RREB1: variants seen among roughly 807,000 people sequenced by gnomAD.
The protein encoded by RREB1 is ras-responsive element-binding protein 1.
A neutral mutation model predicts 117.8 loss-of-function variants in RREB1; 27 were observed. The observed-to-expected ratio is 0.23, with a 90% CI of 0.17 to 0.32. RREB1 has a LOEUF of 0.32. Among genes scored for constraint, RREB1 ranks in the 10% least tolerant of loss-of-function variants. The pLI, the probability that RREB1 is intolerant of heterozygous loss-of-function variation, is 1.00. For synonymous variants in RREB1, 1,298 were observed against 1,026.7 expected (o/e 1.26, Z -5.05); for missense variants, 2,577 against 2,378.2 (o/e 1.08, Z -1.74).
At chr6:7,122,335 G>T (rs925671813) in intron 1 of RREB1, among the ~76,000 whole-genome samples, 1 of 152,108 alleles carries the variant, frequency 6.6e-6, no homozygotes, top group Admixed American at 6.6e-5. Flanking sequence ...TTGTGATCAC[G>T]GCTCACTGCA....
intron 1 of RREB1, among the ~76,000 whole-genome samples, chr6:7,123,103 G>A (rs181829899): frequency 2.0e-4 from 31 of 152,196 alleles, no homozygotes; most frequent in Non-Finnish European, 3.7e-4. Context: ...TCTTACATAC[G>A]GCTGTTTTCT....
At chr6:7,156,493 T>C (rs1037414749) in intron 1 of RREB1, among the ~76,000 whole-genome samples, 1 of 152,232 alleles carries the variant, frequency 6.6e-6, no homozygotes, top group African/African-American at 2.4e-5. Context: ...AGCCAGTCCC[T>C]TGTGGCTCTC....
chr6:7,239,694 A>G (rs1237639509), intron 10 of RREB1, among the ~76,000 whole-genome samples: 2 of 152,254 alleles, frequency 1.3e-5, no homozygotes, highest in Admixed American at 6.5e-5. Context: ...GGAGCACATG[A>G]TCAAATGCAG....
chr6:7,159,392 A>G (rs895572151), intron 1 of RREB1, among the ~76,000 whole-genome samples: 1 of 152,184 alleles, frequency 6.6e-6, no homozygotes, highest in East Asian at 1.9e-4. Flanking sequence ...TCGAATCCCA[A>G]CATCATTCCT....
At chr6:7,245,373 C>T (rs927761325) in intron 11 of RREB1, among the ~76,000 whole-genome samples, 9 of 152,066 alleles carry the variant, frequency 5.9e-5, no homozygotes, top group Non-Finnish European at 7.4e-5. Flanking sequence ...CCAGCCTGGG[C>T]GACAAGGCGA....
chr6:7,141,053 A>G (rs1762547348), intron 1 of RREB1, among the ~76,000 whole-genome samples: 1 of 152,170 alleles, frequency 6.6e-6, no homozygotes, highest in African/African-American at 2.4e-5. Flanking sequence ...CAGGGCCTCG[A>G]GGGTCTGTCT....
rs4053178 is a variant in RREB1 at position 7,249,062 on chromosome 6, T to TGAGAGAGAGAGAGA, written c.*123_*136dup. On this transcript the variant is annotated 3_prime_UTR_variant, in exon 13 of 13. Transcript: ENST00000379938. The stretch of plus-strand genomic sequence containing the variant: ...TCAGTGCCCTTTGGCTGTTGAGGAG[T>TGAGAGAGAGAGAGA]GAGAGAGAGAGAGAGAGAGAGAGAG... 3.3e-4 allele frequency: 189 copies of TGAGAGAGAGAGAGA among 568,212 alleles called. No individual in the cohort carries two copies. The highest frequency in any genetic ancestry group is 7.3e-4 in the East Asian group (24 of 32,656). 35.2% of individuals were successfully genotyped at this position (568,212 alleles called of 1,614,324 possible).
chr6:7,246,330 C>A, intron 11 of RREB1, 94 bp from the exon 12 acceptor site: 1 of 1,144,194 alleles, frequency 8.7e-7, no homozygotes, highest in Non-Finnish European at 1.2e-6. Context: ...GTTCAGGCTG[C>A]TGGCGTGGGT....
intron 1 of RREB1, among the ~76,000 whole-genome samples, chr6:7,140,366 T>C (rs1485294280): frequency 2.0e-5 from 3 of 152,246 alleles, no homozygotes; most frequent in Non-Finnish European, 4.4e-5. Context: ...TTGAATTTTA[T>C]AGGGATATCC....
chr6:7,227,474 G>T (rs1337129421), intron 9 of RREB1, among the ~76,000 whole-genome samples: 1 of 152,020 alleles, frequency 6.6e-6, no homozygotes, highest in Non-Finnish European at 1.5e-5. Context: ...CCGGGAGGCT[G>T]AGGTTGCAGT....
chr6:7,229,693 C>A lies in RREB1; in HGVS notation c.1594C>A (p.Gln532Lys). Residue 532 changes from glutamine to lysine, a missense_variant, in exon 10 of 13, where the codon CAG becomes AAG. Physicochemically the swap from Gln to Lys is moderately conservative, Grantham distance 53. Coordinates refer to ENST00000379938, the MANE Select transcript of RREB1 (RefSeq NM_001003699.4). This position sits in a 1 kb window ranked among gnomAD's most constrained non-coding sequence, Gnocchi z 4.5. ...GCCCCCGCCTCTCATCAACGCCCAG[C>A]AGGCTTCCCCGGGCTGTATCAGCCC... The part of the protein sequence containing the change: ...STPPPLINAQ[Q>K]ASPGCISPSL... The A allele has an allele frequency of 6.2e-7, 1 of 1,609,996 alleles. No homozygotes were observed. Among genetic ancestry groups the A allele is most frequent in the Non-Finnish European group, 8.5e-7 (1 of 1,178,066 alleles).
chr6:7,165,138 C>T (rs1763863945), intron 1 of RREB1, among the ~76,000 whole-genome samples: 1 of 152,214 alleles, frequency 6.6e-6, no homozygotes, highest in East Asian at 1.9e-4. Context: ...AGAGTTGGAG[C>T]TGCAATGGAT....
chr6:7,173,164 C>G (rs1764308171), intron 1 of RREB1, among the ~76,000 whole-genome samples: 1 of 152,148 alleles, frequency 6.6e-6, no homozygotes, highest in African/African-American at 2.4e-5. Context: ...GTTCTGTCGT[C>G]TGTGGGAACA....
intron 8 of RREB1, among the ~76,000 whole-genome samples, chr6:7,224,478 G>A (rs538262641): frequency 1.2e-3 from 180 of 152,064 alleles, no homozygotes; most frequent in Non-Finnish European, 2.0e-3. Flanking sequence ...ATGGATTGGC[G>A]ACCATGGGGA....
chr6:7,239,399 C>G (rs1768546833), intron 10 of RREB1, among the ~76,000 whole-genome samples: 1 of 152,224 alleles, frequency 6.6e-6, no homozygotes, highest in South Asian at 2.1e-4. Flanking sequence ...CTGATCCCCT[C>G]CCTCCTCCTC....
intron 1 of RREB1, among the ~76,000 whole-genome samples, chr6:7,124,144 T>C (rs1193184797): frequency 3.9e-5 from 6 of 152,212 alleles, no homozygotes; most frequent in Non-Finnish European, 7.3e-5. Context: ...TGATTTTATT[T>C]TTTGTTTAAG....
At chr6:7,172,691 T>TG (rs147465069) in intron 1 of RREB1, among the ~76,000 whole-genome samples, 4,483 of 134,864 alleles carry the variant, frequency 0.033, 101 homozygotes, top group Middle Eastern at 0.044. Context: ...GTTGCCGGTG[T>TG]GGGGGGGTGG....
Position 7,246,804 on chromosome 6 carries a change from A to T in RREB1, c.4354A>T (p.Thr1452Ser), listed in dbSNP as rs1769086988. 1 of 1,552,054 alleles carries T rather than the reference A, an allele frequency of 6.4e-7. No homozygotes were observed. Among genetic ancestry groups the T allele is most frequent in the South Asian group, 1.2e-5 (1 of 84,290 alleles). ...GCAGGAGCAGAAGCTCGCCTGCGAC[A>T]CCTGTGGGAAGAGCTTCAAGTTCCT... ...ASQEQKLACD[T>S]CGKSFKFLGT... Residue 1452 changes from threonine to serine, a missense_variant, in exon 12 of 13, where the codon ACC becomes TCC. Coordinates refer to ENST00000379938, the MANE Select transcript of RREB1 (RefSeq NM_001003699.4).
chr6:7,230,550 C>T lies in RREB1; in HGVS notation c.2451C>T (p.Pro817=). The T allele has an allele frequency of 1.9e-6, 3 of 1,599,260 alleles. No individual in the cohort carries two copies. Among genetic ancestry groups the T allele is most frequent in the Non-Finnish European group, 8.5e-7 (1 of 1,176,438 alleles). Residue 817 remains proline, a synonymous_variant, in exon 10 of 13, where the codon CCC becomes CCT. Coordinates refer to ENST00000379938, the MANE Select transcript of RREB1 (RefSeq NM_001003699.4). ...HHILKQHLHV[P]EQDIESYVLA... is the part of the protein sequence containing the mutation. ...TCCTCAAGCAGCACCTGCACGTGCCCGAGCAGGACATCGAGAGCTACGTGC... is the reference window on the plus strand; with the variant it reads ...TCCTCAAGCAGCACCTGCACGTGCCTGAGCAGGACATCGAGAGCTACGTGC...
Sources: allele counts gnomAD v4.1 joint callset (sites outside exome capture counted in the v4.1 genomes callset), GRCh38; gene constraint gnomAD v4.1.1; non-coding constraint Gnocchi (gnomAD v3.1); transcripts MANE v1.5; gene names NCBI Gene and HGNC (gene_info 2026-07-23, HGNC 2026-07-21).